Variants in DOCK4 observed in about 807,000 individuals in gnomAD.
DOCK4 encodes dedicator of cytokinesis 4.
In DOCK4, 97 loss-of-function variants were observed where a neutral mutation model predicts 268.1. That is an observed-to-expected ratio of 0.36 (90% CI 0.31 to 0.43). The LOEUF is 0.43. Ranked by LOEUF, DOCK4 falls within the 20% of genes least tolerant of loss-of-function variation. DOCK4 has a pLI of 1.00. For missense variants in DOCK4, 2,145 were observed against 2,455.7 expected (o/e 0.87, Z 2.67); for synonymous variants, 954 against 887.2 (o/e 1.08, Z -1.34).
intron 1 of DOCK4, among the ~76,000 whole-genome samples, chr7:112,175,107 C>A (rs1202720284): frequency 6.6e-6 from 1 of 151,938 alleles, no homozygotes; most frequent in Non-Finnish European, 1.5e-5. Context: ...TCGTGATCTG[C>A]CCGCCTCGGC....
At chr7:111,885,040 G>A (rs2134312961) in intron 16 of DOCK4, among the ~76,000 whole-genome samples, 1 of 152,272 alleles carries the variant, frequency 6.6e-6, no homozygotes, top group East Asian at 1.9e-4. Context: ...GAAAACAAAT[G>A]GGAATAAACA....
intron 1 of DOCK4, among the ~76,000 whole-genome samples, chr7:112,004,881 A>G (rs769966218): frequency 1.4e-4 from 21 of 152,230 alleles, no homozygotes; most frequent in Non-Finnish European, 2.9e-4. Flanking sequence ...AGGGCAGGAC[A>G]GGACTAGGAT....
intron 30 of DOCK4, among the ~76,000 whole-genome samples, chr7:111,794,525 G>A (rs1288261752): frequency 6.6e-6 from 1 of 152,206 alleles, no homozygotes; most frequent in Non-Finnish European, 1.5e-5. Context: ...TAGGGAAGGA[G>A]AAGTGGGAAA....
chr7:111,976,326 G>T (rs56391370), intron 8 of DOCK4, among the ~76,000 whole-genome samples: 12,791 of 81,804 alleles, frequency 0.16, 1,099 homozygotes, highest in Middle Eastern at 0.28. Flanking sequence ...TATGAGACTC[G>T]GTATTGCCTA....
intron 1 of DOCK4, among the ~76,000 whole-genome samples, chr7:112,174,673 C>T (rs191334253): frequency 6.6e-6 from 1 of 152,102 alleles, no homozygotes; most frequent in African/African-American, 2.4e-5. Context: ...CTAATCACCA[C>T]CTTAGGATAA....
chr7:112,068,498 A>T (rs1807282079), intron 1 of DOCK4, among the ~76,000 whole-genome samples: 2 of 152,214 alleles, frequency 1.3e-5, no homozygotes, highest in South Asian at 4.1e-4. Flanking sequence ...GACAGAGGTA[A>T]CAATATCTAC....
chr7:111,814,927 T>C (rs1377515236), intron 27 of DOCK4, among the ~76,000 whole-genome samples: 2 of 152,176 alleles, frequency 1.3e-5, no homozygotes, highest in African/African-American at 4.8e-5. Flanking sequence ...ACTAATCACA[T>C]GTCCACAGAA....
chr7:112,089,933 T>C (rs796413620), intron 1 of DOCK4, among the ~76,000 whole-genome samples: 1 of 152,190 alleles, frequency 6.6e-6, no homozygotes, highest in South Asian at 2.1e-4. Flanking sequence ...TAATACAGTG[T>C]TAAATGCATT....
At chr7:112,084,931 A>G (rs1240441246) in intron 1 of DOCK4, among the ~76,000 whole-genome samples, 3 of 152,084 alleles carry the variant, frequency 2.0e-5, no homozygotes, top group Admixed American at 2.0e-4. Context: ...GAAAATGAAA[A>G]AACTAAAACA....
At chr7:111,822,248 A>C in intron 27 of DOCK4, 114 bp downstream of exon 27, 2 of 779,720 alleles carry the variant, frequency 2.6e-6, no homozygotes, top group Non-Finnish European at 4.0e-6. Context: ...TTAAAGGCTT[A>C]ATTCAGAGGC....
At chr7:112,175,064 C>T (rs921884437) in intron 1 of DOCK4, among the ~76,000 whole-genome samples, 4 of 151,498 alleles carry the variant, frequency 2.6e-5, no homozygotes, top group African/African-American at 9.7e-5. Flanking sequence ...AGGGTTTCAC[C>T]GTGTTAGCCA....
chr7:112,198,468 A>T (rs1820653933), intron 1 of DOCK4, among the ~76,000 whole-genome samples: 1 of 152,156 alleles, frequency 6.6e-6, no homozygotes, highest in Admixed American at 6.5e-5. Context: ...AACTCCTCAT[A>T]TCTGATGACC....
At chr7:111,735,373 T>C (rs1363930909) in intron 50 of DOCK4, among the ~76,000 whole-genome samples, 2 of 152,206 alleles carry the variant, frequency 1.3e-5, no homozygotes, top group Non-Finnish European at 2.9e-5. Flanking sequence ...ACAAGTCTCT[T>C]TATTTCCCTT....
At chr7:111,874,900 C>T (rs1380242510) in intron 17 of DOCK4, among the ~76,000 whole-genome samples, 3 of 152,204 alleles carry the variant, frequency 2.0e-5, no homozygotes, top group African/African-American at 7.2e-5. Flanking sequence ...TATGAAACTG[C>T]TCCTAGAGAC....
Position 111,755,596 on chromosome 7 carries a change from G to C in DOCK4, c.4335C>G (p.Leu1445=). The change falls in exon 42 of 53, where the codon CTC becomes CTG. Residue 1445 remains leucine, a synonymous_variant. Transcript: ENST00000428084. ...TKDKENEFKS[L]WVERTSLYLV... The stretch of plus-strand genomic sequence containing the variant: ...AGTATAATGACGTTCTCTCCACCCA[G>C]AGACTCTACAAAACACAAAACACAT... 2 of 1,613,848 alleles carry C rather than the reference G, an allele frequency of 1.2e-6. No individual in the cohort carries two copies. Among genetic ancestry groups the C allele is most frequent in the Non-Finnish European group, 1.7e-6 (2 of 1,179,866 alleles).
At chr7:111,793,282 A>C (rs895410042) in intron 30 of DOCK4, among the ~76,000 whole-genome samples, 5 of 152,236 alleles carry the variant, frequency 3.3e-5, no homozygotes, top group Admixed American at 6.5e-5. Context: ...AGAATTTAGA[A>C]AAACTTCCCC....
chr7:112,021,888 C>G (rs1354896915), intron 1 of DOCK4, among the ~76,000 whole-genome samples: 1 of 152,130 alleles, frequency 6.6e-6, no homozygotes, highest in Non-Finnish European at 1.5e-5. Flanking sequence ...TAACAGACTA[C>G]AGAGTAGGCC....
intron 52 of DOCK4, among the ~76,000 whole-genome samples, chr7:111,731,286 T>G (rs1795067448): frequency 6.6e-6 from 1 of 152,206 alleles, no homozygotes; most frequent in Admixed American, 6.5e-5. Flanking sequence ...GTTTCTCAAT[T>G]TCTATCAGCA....
At chr7:112,084,349 G>C (rs1398567232) in intron 1 of DOCK4, among the ~76,000 whole-genome samples, 2 of 152,192 alleles carry the variant, frequency 1.3e-5, no homozygotes, top group Non-Finnish European at 2.9e-5. Flanking sequence ...TATATCAGCA[G>C]CTACTAAAAT....
Sources: allele counts gnomAD v4.1 joint callset (sites outside exome capture counted in the v4.1 genomes callset), GRCh38; gene constraint gnomAD v4.1.1; transcripts MANE v1.5; gene names NCBI Gene and HGNC (gene_info 2026-07-23, HGNC 2026-07-21).